Variants in SLF1 observed in about 807,000 individuals in gnomAD.
SLF1 encodes the protein SMC5-SMC6 complex localization factor protein 1.
A neutral mutation model predicts 123.0 loss-of-function variants in SLF1; 105 were observed. The ratio of observed to expected loss-of-function variants is 0.85; its 90% CI spans 0.73 to 1.00. The LOEUF is 1.00. Ranked by LOEUF, SLF1 falls within the 50% of genes least tolerant of loss-of-function variation. The pLI is 0.00. For synonymous variants in SLF1, 434 were observed against 406.6 expected, an observed-to-expected ratio of 1.07 and a Z score of -0.81; for missense variants, 1,239 against 1,223.0, an observed-to-expected ratio of 1.01 and a Z score of -0.20.
rs1561481236 is a variant in SLF1, at chr5:94,692,170, T to C, written c.2609T>C (p.Leu870Pro). Reference sequence around the variant, plus strand: ...CAACGTTGTCCAGAGGTAGATCTGCTCACTCAAGTGGACGGGGTGACTCCT... The same window carrying C: ...CAACGTTGTCCAGAGGTAGATCTGCCCACTCAAGTGGACGGGGTGACTCCT... Reference protein sequence around the residue: ...ILQRCPEVDLLTQVDGVTPLH... With the variant: ...ILQRCPEVDLPTQVDGVTPLH... Residue 870 changes from leucine (L) to proline (P), a missense_variant, in exon 20 of 21, where the codon CTC becomes CCC. Leu to Pro is a moderately conservative substitution (Grantham distance 98, BLOSUM62 -3). Coordinates refer to ENST00000265140, the MANE Select transcript of SLF1 (RefSeq NM_032290.4). 6.2e-7 allele frequency: 1 copy of C among 1,613,914 alleles called. No individual in the cohort carries two copies. The highest frequency in any genetic ancestry group is 8.5e-7 in the Non-Finnish European group (1 of 1,179,858).
rs941945768 is a variant in SLF1 at position 94,638,167 on chromosome 5, T to G, written c.432-5106T>G. Among the ~76,000 whole-genome samples, 4 of 151,674 alleles carry G rather than the reference T, an allele frequency of 2.6e-5. No individual in the cohort carries two copies. The South Asian group carries it at 6.3e-4, about 24-fold the overall frequency. On this transcript the variant is annotated intron_variant, in intron 4 of 20. Transcript: ENST00000265140. ...AGCTCCACCTCCTTGCTTTGTTTCT[T>G]CTTCTTCTTATTTTTTATTTTATTT...
chr5:94,666,934 C>A (rs1200646038), intron 12 of SLF1, among the ~76,000 whole-genome samples: 2 of 147,790 alleles, frequency 1.4e-5, no homozygotes, highest in African/African-American at 5.0e-5. Context: ...AGTGGACCAT[C>A]ACGCCTGGCT....
intron 14 of SLF1, among the ~76,000 whole-genome samples, chr5:94,673,183 A>G (rs1750661736): frequency 6.6e-6 from 1 of 151,710 alleles, no homozygotes; most frequent in Non-Finnish European, 1.5e-5. Flanking sequence ...CTTGTGCTCC[A>G]GAAACCACAG....
At chr5:94,653,612 G>A (rs1168195631) in intron 8 of SLF1, among the ~76,000 whole-genome samples, 191 bp downstream of exon 8, 1 of 152,120 alleles carries the variant, frequency 6.6e-6, no homozygotes, top group Non-Finnish European at 1.5e-5. Context: ...AAAGAAATCT[G>A]AGTTAATAAT....
intron 15 of SLF1, among the ~76,000 whole-genome samples, chr5:94,686,207 A>G (rs1234088103): frequency 6.6e-6 from 1 of 152,232 alleles, no homozygotes; most frequent in African/African-American, 2.4e-5. Flanking sequence ...GGTTTTCCAA[A>G]GAAGCATCCC....
chr5:94,678,904 A>C lies in SLF1; in HGVS notation c.1924A>C (p.Met642Leu). 6.2e-7 allele frequency: 1 copy of C among 1,613,772 alleles called. No homozygotes were observed. The highest frequency in any genetic ancestry group is 8.5e-7 in the Non-Finnish European group (1 of 1,179,810). ...TGGTCTTAAGATGGGTAGAAATGTG[A>C]TGCGACACATGTCTGATGACTTAGG... ...FLGLKMGRNV[M>L]RHMSDDLGSY... The change falls in exon 15 of 21, where the codon ATG becomes CTG. Residue 642 changes from methionine (M) to leucine (L), a missense_variant. Physicochemically the swap from Met to Leu is conservative, Grantham distance 15 (BLOSUM62 2). Transcript: ENST00000265140.
intron 9 of SLF1, among the ~76,000 whole-genome samples, chr5:94,658,371 C>A (rs1748677927): frequency 1.3e-5 from 2 of 151,208 alleles, no homozygotes; most frequent in Non-Finnish European, 3.0e-5. Context: ...CTTTATTTCT[C>A]CATTATTTTT....
intron 11 of SLF1, among the ~76,000 whole-genome samples, chr5:94,665,035 A>G (rs1183846496): frequency 3.9e-5 from 6 of 152,216 alleles, no homozygotes; most frequent in Admixed American, 3.9e-4. Context: ...AAGGCAATAG[A>G]AAATAATTAA....
intron 12 of SLF1, among the ~76,000 whole-genome samples, chr5:94,668,128 CTTTCCCT>C (rs1325279458): frequency 1.3e-5 from 2 of 151,904 alleles, no homozygotes; most frequent in African/African-American, 4.8e-5. Context: ...ACTTTTCTTC[CTTTCCCT>C]TTTCCCTTTT....
intron 15 of SLF1, among the ~76,000 whole-genome samples, chr5:94,680,902 A>G (rs1456741992): frequency 6.6e-6 from 1 of 152,234 alleles, no homozygotes; most frequent in African/African-American, 2.4e-5. Context: ...TGTTACTATT[A>G]TGATCCTGTC....
intron 1 of SLF1, among the ~76,000 whole-genome samples, chr5:94,627,585 C>CATATATAT (rs58847356): frequency 0.026 from 2,259 of 86,488 alleles, 123 homozygotes; most frequent in African/African-American, 0.041. Context: ...ATGAAATTAA[C>CATATATAT]ATATATATAT....
At chr5:94,632,786 C>T (rs1745345729) in intron 4 of SLF1, among the ~76,000 whole-genome samples, 3 of 151,440 alleles carry the variant, frequency 2.0e-5, no homozygotes, top group South Asian at 4.2e-4. Context: ...CTGGAAGCTC[C>T]GCCTCCCGGG....
intron 4 of SLF1, among the ~76,000 whole-genome samples, chr5:94,638,177 AT>A (rs1190339371): frequency 6.6e-6 from 1 of 150,668 alleles, no homozygotes; most frequent in Non-Finnish European, 1.5e-5. Context: ...TCTTCTTCTT[AT>A]TTTTTATTTT....
Position 94,670,164 on chromosome 5 carries a change from A to G in SLF1, c.1546A>G (p.Asn516Asp), listed in dbSNP as rs1210337598. ...CATGTTTTTCAGGTCTTGCCTTTTCAATGAAAGCTTTTGTCATCAAATTTC... is the reference window on the plus strand; with the variant it reads ...CATGTTTTTCAGGTCTTGCCTTTTCGATGAAAGCTTTTGTCATCAAATTTC... ...VEVLIRSCLF[N>D]ESFCHQISEN... Residue 516 changes from asparagine to aspartate, a missense_variant, in exon 13 of 21, where the codon AAT (asparagine) becomes GAT (aspartate). Coordinates refer to ENST00000265140, the MANE Select transcript of SLF1 (RefSeq NM_032290.4). 6.5e-7 allele frequency: 1 copy of G among 1,538,122 alleles called. No homozygotes were observed. The highest frequency in any genetic ancestry group is 8.8e-7 in the Non-Finnish European group (1 of 1,141,670).
chr5:94,619,878 C>T (rs1175862115), intron 1 of SLF1, among the ~76,000 whole-genome samples: 1 of 151,710 alleles, frequency 6.6e-6, no homozygotes. Context: ...CCTTTCCTTC[C>T]TTCCTTTGCT....
intron 6 of SLF1, among the ~76,000 whole-genome samples, chr5:94,651,472 G>T (rs1421760388): frequency 6.6e-6 from 1 of 152,070 alleles, no homozygotes; most frequent in African/African-American, 2.4e-5. Context: ...TCAGCACATA[G>T]GTAAACTAAA....
chr5:94,667,136 A>C (rs1265902154), intron 12 of SLF1, among the ~76,000 whole-genome samples: 2 of 152,076 alleles, frequency 1.3e-5, no homozygotes, highest in Non-Finnish European at 2.9e-5. Flanking sequence ...ACCAGCATGC[A>C]TTTATTCATT....
Position 94,628,791 on chromosome 5 carries a change from T to C in SLF1, c.1-20T>C. The C allele has an allele frequency of 1.4e-6, 2 of 1,464,828 alleles. No individual in the cohort carries two copies. The highest frequency in any genetic ancestry group is 1.8e-6 in the Non-Finnish European group (2 of 1,084,556). The allele number at this position is 1,464,828 out of a possible 1,614,324, so 90.7% of individuals were successfully genotyped here. ...AATATCTTTAACACACATTATCTTC[T>C]GTATGTTTGTATTTGTTAGATGGAA... is the stretch of plus-strand genomic sequence containing the variant. On this transcript the variant is annotated intron_variant, in intron 1 of 20. Transcript: ENST00000265140.
At chr5:94,683,697 G>T (rs1162704252) in intron 15 of SLF1, among the ~76,000 whole-genome samples, 1 of 152,170 alleles carries the variant, frequency 6.6e-6, no homozygotes, top group African/African-American at 2.4e-5. Flanking sequence ...CCAGAATAAG[G>T]CCAAAGAAGG....
Sources: gnomAD v4.1 joint callset for allele counts (sites outside exome capture counted in the v4.1 genomes callset) on GRCh38, gnomAD v4.1.1 for gene constraint, MANE v1.5 for transcripts, NCBI Gene and HGNC (gene_info 2026-07-23, HGNC 2026-07-21) for gene names.